The following BPTF variants were observed in gnomAD, a reference collection of about 807,000 sequenced individuals.
BPTF encodes the protein bromodomain PHD finger transcription factor, also known as nucleosome-remodeling factor subunit BPTF.
BPTF carries 18 observed loss-of-function variants against 292.5 expected under a neutral mutation model. The ratio of observed to expected loss-of-function variants is 0.06; its 90% CI spans 0.04 to 0.09. BPTF has a LOEUF of 0.09. Among genes scored for constraint, BPTF ranks in the 10% least tolerant of loss-of-function variants. The pLI is 1.00. For missense variants in BPTF, 2,726 were observed against 3,498.7 expected (o/e 0.78, Z 5.57); for synonymous variants, 1,225 against 1,251.9 (o/e 0.98, Z 0.45).
chr17:67,881,644 T>C (rs1230354176), intron 4 of BPTF, among the ~76,000 whole-genome samples: 2 of 151,026 alleles, frequency 1.3e-5, no homozygotes, highest in African/African-American at 2.4e-5. Flanking sequence ...GCCAGGACTA[T>C]AGACGCGCGC....
chr17:67,875,616 C>T (rs2060004883), intron 4 of BPTF: 1 of 1,598,800 alleles, frequency 6.3e-7, no homozygotes, highest in Admixed American at 1.7e-5. Context: ...GACAACACAA[C>T]AAATGCAACT....
intron 1 of BPTF, among the ~76,000 whole-genome samples, chr17:67,835,481 C>G (rs2057052452): frequency 1.3e-5 from 2 of 152,176 alleles, no homozygotes; most frequent in South Asian, 4.1e-4. Context: ...AGCACTCTGG[C>G]TGAGTGAAGT....
At chr17:67,966,725 A>T in intron 26 of BPTF, 69 bp downstream of exon 26, 1 of 1,271,172 alleles carries the variant, frequency 7.9e-7, no homozygotes, top group Non-Finnish European at 1.1e-6. Context: ...CATAAAATTA[A>T]TATCTTAGAA....
intron 1 of BPTF, among the ~76,000 whole-genome samples, chr17:67,845,671 G>C (rs1275603645): frequency 6.6e-6 from 1 of 152,160 alleles, no homozygotes; most frequent in Admixed American, 6.5e-5. Flanking sequence ...CTACTCAGGA[G>C]GCTGAGGTGG....
intron 26 of BPTF, among the ~76,000 whole-genome samples, chr17:67,967,272 G>A (rs1474269675): frequency 2.0e-5 from 3 of 150,170 alleles, no homozygotes; most frequent in African/African-American, 7.3e-5. Context: ...CTCCCGAGTA[G>A]CTGGGACTAC....
Position 67,953,664 on chromosome 17 carries a change from C to T in BPTF, c.7926+5358C>T, listed in dbSNP as rs191945385. The stretch of plus-strand genomic sequence containing the variant: ...GATCTCGGCTCACTGCAATCTCCAC[C>T]TCCCAGGTTGAAGCAATTCTCCTGC... On this transcript the variant is annotated intron_variant, in intron 23 of 27. Transcript: ENST00000306378. 4.0e-5 allele frequency among the ~76,000 whole-genome samples: 6 copies of T among 151,724 alleles called. No individual in the cohort carries two copies. In the East Asian group the frequency reaches 1.2e-3, roughly 30 times the overall value.
intron 2 of BPTF, among the ~76,000 whole-genome samples, chr17:67,856,312 TA>T (rs956125563): frequency 9.9e-5 from 15 of 151,998 alleles, no homozygotes; most frequent in Middle Eastern, 3.4e-3. Context: ...AATCTTCCTT[TA>T]AAAAAAATAG....
At chr17:67,926,566 C>T (rs1483774480) in intron 15 of BPTF, among the ~76,000 whole-genome samples, 3 of 151,418 alleles carry the variant, frequency 2.0e-5, no homozygotes, top group African/African-American at 2.4e-5. Context: ...CCTCGTGATC[C>T]GCCTGCCTTG....
chr17:67,862,762 G>C (rs1257981525), intron 2 of BPTF, among the ~76,000 whole-genome samples: 6 of 151,598 alleles, frequency 4.0e-5, no homozygotes, highest in African/African-American at 1.5e-4. Context: ...TAAACTCAAA[G>C]GTGTCAGCAG....
intron 4 of BPTF, among the ~76,000 whole-genome samples, chr17:67,884,249 G>A (rs944647345): frequency 2.7e-5 from 4 of 150,834 alleles, no homozygotes; most frequent in African/African-American, 9.8e-5. Context: ...GGGATTACAG[G>A]CATGCACCAC....
intron 27 of BPTF, chr17:67,977,983 T>A (rs1273860105): frequency 6.6e-6 from 1 of 150,716 alleles, no homozygotes; most frequent in African/African-American, 2.4e-5. Flanking sequence ...GCCTCCCTAG[T>A]AGCTGGGATT....
intron 18 of BPTF, among the ~76,000 whole-genome samples, chr17:67,934,422 G>T (rs2064723531): frequency 6.6e-6 from 1 of 152,030 alleles, no homozygotes; most frequent in Non-Finnish European, 1.5e-5. Context: ...GGAGGCTGAG[G>T]CAGGAGAATC....
At chr17:67,867,915 G>A (rs2059482383) in intron 3 of BPTF, among the ~76,000 whole-genome samples, 1 of 152,082 alleles carries the variant, frequency 6.6e-6, no homozygotes, top group Non-Finnish European at 1.5e-5. Flanking sequence ...CTTTCTGGAA[G>A]CAAGTCACTA....
chr17:67,885,292 A>G (rs2060676888), intron 4 of BPTF, among the ~76,000 whole-genome samples: 1 of 152,216 alleles, frequency 6.6e-6, no homozygotes, highest in African/African-American at 2.4e-5. Flanking sequence ...CTCAGAAGTT[A>G]GCAATCACAG....
At chr17:67,845,013 G>A (rs2365466) in intron 1 of BPTF, among the ~76,000 whole-genome samples, 31,034 of 152,166 alleles carry the variant, frequency 0.2, 3,973 homozygotes, top group East Asian at 0.66. Context: ...AAAGTGCTGG[G>A]ATTACAGGCA....
chr17:67,921,950 A>G (rs1180602825), intron 13 of BPTF, among the ~76,000 whole-genome samples: 1 of 152,092 alleles, frequency 6.6e-6, no homozygotes, highest in Admixed American at 6.6e-5. Context: ...GAGAATTGGT[A>G]AACCCAGGAT....
Position 67,946,008 on chromosome 17 carries a change from G to T in BPTF, c.7300G>T (p.Ala2434Ser). 1.2e-6 allele frequency: 2 copies of T among 1,614,158 alleles called. No homozygotes were observed. Among genetic ancestry groups the T allele is most frequent in the East Asian group, 2.2e-5 (1 of 44,888 alleles). The change falls in exon 21 of 28, where the codon GCT (alanine) becomes TCT (serine). Residue 2434 changes from alanine (A) to serine (S), a missense_variant. By Grantham distance (99) the Ala-to-Ser change is moderately conservative (BLOSUM62 1). Around this residue, in one of 22 missense-constraint regions of BPTF, gnomAD observed 570 missense variants for 633.5 expected, o/e 0.90. Coordinates refer to ENST00000306378, the MANE Select transcript of BPTF (RefSeq NM_182641.4). Reference sequence around the variant, plus strand: ...ACAGCAGCCACAGCCCCAAGTCATTGCTGTGCCTCAGCTGCAACAACAAGT... The same window carrying T: ...ACAGCAGCCACAGCCCCAAGTCATTTCTGTGCCTCAGCTGCAACAACAAGT... ...QIQQPQPQVI[A>S]VPQLQQQVQV...
chr17:67,978,097 G>T (rs1352120719), intron 27 of BPTF: 8 of 151,476 alleles, frequency 5.3e-5, no homozygotes, highest in African/African-American at 1.9e-4. Flanking sequence ...CAGGTGTTCT[G>T]CCCACCTCGG....
chr17:67,942,989 CTTT>C (rs374691090), intron 19 of BPTF, among the ~76,000 whole-genome samples: 215 of 152,238 alleles, frequency 1.4e-3, no homozygotes, highest in African/African-American at 5.0e-3. Flanking sequence ...CCATTGTATT[CTTT>C]GTGAATATTG....
Sources: allele counts gnomAD v4.1 joint callset (sites outside exome capture counted in the v4.1 genomes callset), GRCh38; gene constraint gnomAD v4.1.1; regional missense constraint gnomAD v4.1.1; transcripts MANE v1.5; gene names NCBI Gene and HGNC (gene_info 2026-07-23, HGNC 2026-07-21).